FAF1: variants seen among roughly 807,000 people sequenced by gnomAD.
FAF1 encodes the protein Fas associated factor 1, also known as FAS-associated factor 1.
In FAF1, 25 loss-of-function variants were observed where a neutral mutation model predicts 92.5. The ratio of observed to expected loss-of-function variants is 0.27; its 90% CI spans 0.20 to 0.38. FAF1 has a LOEUF of 0.38. FAF1 is among the 10% of genes least tolerant of loss of function. The pLI, the probability that FAF1 is intolerant of heterozygous loss-of-function variation, is 1.00. For synonymous variants in FAF1, 234 were observed against 273.2 expected (o/e 0.86, Z 1.42); for missense variants, 636 against 793.3 (o/e 0.80, Z 2.38).
chr1:50,932,366 AAC>A (rs1645054939), intron 1 of FAF1, among the ~76,000 whole-genome samples: 1 of 152,232 alleles, frequency 6.6e-6, no homozygotes, highest in South Asian at 2.1e-4. Flanking sequence ...GTATTGGGTA[AAC>A]ACAGCCATTC....
chr1:50,474,326 C>G (rs1646611654), intron 18 of FAF1, among the ~76,000 whole-genome samples: 1 of 152,158 alleles, frequency 6.6e-6, no homozygotes, highest in South Asian at 2.1e-4. Context: ...ACCTTCCTAC[C>G]AGCCCTGCTC....
At chr1:50,550,928 T>C (rs922463016) in intron 13 of FAF1, among the ~76,000 whole-genome samples, 8 of 152,120 alleles carry the variant, frequency 5.3e-5, no homozygotes, top group South Asian at 2.1e-4. Flanking sequence ...TGCTCTCAGG[T>C]GTGTGATCTG....
chr1:50,759,641 A>G (rs1443504080), intron 4 of FAF1, among the ~76,000 whole-genome samples: 2 of 152,114 alleles, frequency 1.3e-5, no homozygotes, highest in African/African-American at 4.8e-5. Flanking sequence ...TAGCAGCATG[A>G]TTTATAGTCC....
intron 1 of FAF1, among the ~76,000 whole-genome samples, chr1:50,953,622 C>T (rs1218022419): frequency 6.6e-6 from 1 of 151,720 alleles, no homozygotes; most frequent in South Asian, 2.1e-4. Context: ...GCCTGTAATC[C>T]CAGCTACTTG....
Position 50,600,451 on chromosome 1 carries a change from G to A in FAF1, c.745-4235C>T, listed in dbSNP as rs983019886. 5.3e-5 allele frequency among the ~76,000 whole-genome samples: 8 copies of A among 151,978 alleles called. 1 individual carries two copies. Among genetic ancestry groups the A allele is most frequent in the African/African-American group, 1.9e-4 (8 of 41,350 alleles). ...AAAGTATTAATACAAAATGTATAGT[G>A]GTAGGGCTTCAGATTCTACATTGAA... On this transcript the variant is annotated intron_variant, in intron 8 of 18. Coordinates refer to ENST00000396153, the MANE Select transcript of FAF1 (RefSeq NM_007051.3).
intron 15 of FAF1, among the ~76,000 whole-genome samples, chr1:50,530,294 T>C (rs531632400): frequency 1.8e-4 from 27 of 146,724 alleles, no homozygotes; most frequent in African/African-American, 5.9e-4. Flanking sequence ...TATGTATATA[T>C]GTATGAGTGT....
chr1:50,934,374 A>C (rs1032755411), intron 1 of FAF1, among the ~76,000 whole-genome samples: 1 of 152,192 alleles, frequency 6.6e-6, no homozygotes, highest in Non-Finnish European at 1.5e-5. Context: ...ATTTCTTTAT[A>C]ATTTCTTATA....
chr1:50,701,890 G>C (rs1657488718), intron 7 of FAF1, among the ~76,000 whole-genome samples: 1 of 151,976 alleles, frequency 6.6e-6, no homozygotes, highest in South Asian at 2.1e-4. Flanking sequence ...ACAATAATAA[G>C]AACAGTGAGA....
At chr1:50,776,554 C>T (rs573415777) in intron 4 of FAF1, among the ~76,000 whole-genome samples, 1 of 151,556 alleles carries the variant, frequency 6.6e-6, no homozygotes, top group South Asian at 2.1e-4. Flanking sequence ...ACTTAATAGT[C>T]CATCAAAAAA....
At chr1:50,847,321 T>C (rs1208277078) in intron 2 of FAF1, among the ~76,000 whole-genome samples, 2 of 150,562 alleles carry the variant, frequency 1.3e-5, no homozygotes, top group African/African-American at 4.9e-5. Flanking sequence ...AAATTTTAGA[T>C]GACTATGATT....
At chr1:50,460,593 G>GTATA (rs925023603) in intron 18 of FAF1, among the ~76,000 whole-genome samples, 1 of 151,406 alleles carries the variant, frequency 6.6e-6, no homozygotes, top group Non-Finnish European at 1.5e-5. Flanking sequence ...GTGTGTGTAT[G>GTATA]TATATATATG....
intron 1 of FAF1, among the ~76,000 whole-genome samples, chr1:50,904,307 T>C (rs1458763915): frequency 6.6e-6 from 1 of 151,742 alleles, no homozygotes; most frequent in African/African-American, 2.4e-5. Flanking sequence ...GGTACTAGAG[T>C]AGTCAAATTC....
intron 18 of FAF1, among the ~76,000 whole-genome samples, chr1:50,454,398 T>TA (rs1329024317): frequency 6.6e-6 from 1 of 152,198 alleles, no homozygotes; most frequent in Non-Finnish European, 1.5e-5. Context: ...ACTTTCTCCA[T>TA]AAAATCAGGC....
chr1:50,889,849 G>A (rs1430371747), intron 1 of FAF1, among the ~76,000 whole-genome samples: 1 of 152,158 alleles, frequency 6.6e-6, no homozygotes, highest in African/African-American at 2.4e-5. Context: ...CTGTTGATTT[G>A]GGGTGGAGAG....
intron 13 of FAF1, among the ~76,000 whole-genome samples, chr1:50,553,247 T>C: frequency 6.6e-6 from 1 of 152,152 alleles, no homozygotes; most frequent in East Asian, 1.9e-4. Context: ...GAGCCAGATG[T>C]TTGAAATCAA....
chr1:50,476,652 A>T (rs1467381588), intron 17 of FAF1, among the ~76,000 whole-genome samples: 1 of 152,230 alleles, frequency 6.6e-6, no homozygotes, highest in South Asian at 2.1e-4. Context: ...CATGAAATTC[A>T]TCTAAAGCAG....
chr1:50,714,895 T>C, intron 6 of FAF1: 1 of 293,428 alleles, frequency 3.4e-6, no homozygotes, highest in Non-Finnish European at 6.8e-6. Context: ...ACCATAGCAT[T>C]GAGTGTCCTG....
chr1:50,889,226 T>C (rs1256585462), intron 1 of FAF1, among the ~76,000 whole-genome samples: 1 of 152,242 alleles, frequency 6.6e-6, no homozygotes, highest in Non-Finnish European at 1.5e-5. Flanking sequence ...TTTATCATTT[T>C]TTATTGCATC....
At chr1:50,839,672 T>C (rs1161731366) in intron 2 of FAF1, among the ~76,000 whole-genome samples, 1 of 152,128 alleles carries the variant, frequency 6.6e-6, no homozygotes, top group Non-Finnish European at 1.5e-5. Flanking sequence ...CGAACCTGTT[T>C]AATCTTCAAT....
Sources: gnomAD v4.1 joint callset for allele counts (sites outside exome capture counted in the v4.1 genomes callset) on GRCh38, gnomAD v4.1.1 for gene constraint, MANE v1.5 for transcripts, NCBI Gene and HGNC (gene_info 2026-07-23, HGNC 2026-07-21) for gene names.